The following HSD11B1 variants were observed in gnomAD, a reference collection of about 807,000 sequenced individuals.
The protein encoded by HSD11B1 is 11-beta-hydroxysteroid dehydrogenase 1.
HSD11B1 carries 15 observed loss-of-function variants against 22.1 expected under a neutral mutation model. That is an observed-to-expected ratio of 0.68 (90% CI 0.45 to 1.04). The LOEUF (loss-of-function observed/expected upper bound fraction) is 1.04, where lower values mean the gene tolerates loss of function less well. HSD11B1 is among the 50% of genes least tolerant of loss of function. The pLI is 0.00. For missense variants in HSD11B1, 281 were observed against 357.6 expected (o/e 0.79, Z 1.73); for synonymous variants, 122 against 125.2 (o/e 0.97, Z 0.17).
chr1:209,693,180 T>A (rs1392030031), intron 1 of HSD11B1, among the ~76,000 whole-genome samples: 1 of 152,204 alleles, frequency 6.6e-6, no homozygotes, highest in Non-Finnish European at 1.5e-5. Flanking sequence ...TTTTTGAGAC[T>A]GTTGCCAAAC....
At position 209,705,029 on chromosome 1, in the gene HSD11B1, A is replaced by G; in HGVS notation, c.87A>G (p.Pro29=). 1 of 1,611,704 alleles carries G rather than the reference A, an allele frequency of 6.2e-7. No individual in the cohort carries two copies. The change falls in exon 1 of 6, where the codon CCA becomes CCG. Residue 29 remains proline (P), a splice_region_variant and synonymous_variant. Transcript: ENST00000367027. ...YYYSANEEFR[P]EMLQGKKVIV... ...ATTCTGCAAACGAGGAATTCAGACCAGGTAAGTACCCATGCGTCTCATTTT... is the reference window on the plus strand; with the variant it reads ...ATTCTGCAAACGAGGAATTCAGACCGGGTAAGTACCCATGCGTCTCATTTT...
chr1:209,729,367 C>CACACAA (rs2077021976), intron 4 of HSD11B1, among the ~76,000 whole-genome samples: 1 of 147,226 alleles, frequency 6.8e-6, no homozygotes, highest in African/African-American at 2.6e-5. Flanking sequence ...TCGGAAAACA[C>CACACAA]ACACACACAC....
intron 4 of HSD11B1, among the ~76,000 whole-genome samples, chr1:209,717,182 A>C (rs1445217654): frequency 6.6e-6 from 1 of 152,222 alleles, no homozygotes; most frequent in Non-Finnish European, 1.5e-5. Context: ...CAGAATATAC[A>C]AGGTACTCAA....
At chr1:209,699,884 A>G (rs1176801990), upstream of HSD11B1, among the ~76,000 whole-genome samples, 5 of 152,350 alleles carry the variant, frequency 3.3e-5, no homozygotes, top group Non-Finnish European at 7.3e-5. Flanking sequence ...ATGCAAGTCT[A>G]AAATCCAAAG....
chr1:209,712,788 C>A, intron 4 of HSD11B1, among the ~76,000 whole-genome samples: 1 of 152,194 alleles, frequency 6.6e-6, no homozygotes, highest in East Asian at 1.9e-4. Context: ...CAGTGGTTTA[C>A]GCCTGTAATC....
intron 4 of HSD11B1, among the ~76,000 whole-genome samples, chr1:209,726,677 C>T (rs2077005022): frequency 6.6e-6 from 1 of 152,208 alleles, no homozygotes; most frequent in African/African-American, 2.4e-5. Flanking sequence ...CTGGCTCCTT[C>T]ACTACTTCTC....
upstream of HSD11B1, among the ~76,000 whole-genome samples, chr1:209,700,919 G>A (rs1029378237): frequency 6.6e-6 from 1 of 152,178 alleles, no homozygotes; most frequent in African/African-American, 2.4e-5. Context: ...TTCCCAACAA[G>A]TTCCTCATCT....
chr1:209,696,114 T>C (rs573424249), intron 1 of HSD11B1, among the ~76,000 whole-genome samples: 2 of 152,350 alleles, frequency 1.3e-5, no homozygotes, highest in South Asian at 2.1e-4. Flanking sequence ...GATTACACGT[T>C]GTGTAGTTCT....
chr1:209,710,657 T>G (rs1203255203), intron 4 of HSD11B1, among the ~76,000 whole-genome samples: 1 of 152,048 alleles, frequency 6.6e-6, no homozygotes, highest in Non-Finnish European at 1.5e-5. Context: ...GTAGGGATAG[T>G]AATCCTTCTG....
At chr1:209,711,005 G>A (rs763915329) in intron 4 of HSD11B1, among the ~76,000 whole-genome samples, 11 of 152,120 alleles carry the variant, frequency 7.2e-5, no homozygotes, top group Non-Finnish European at 1.2e-4. Flanking sequence ...TTGACTAGCC[G>A]GGGGCAAACA....
In HSD11B1 at chr1:209,706,562, T is replaced by C. The variant is rs924112364; in HGVS notation, c.220-147T>C. On this transcript the variant is annotated intron_variant, in intron 2 of 5. Coordinates refer to ENST00000367027, the MANE Select transcript of HSD11B1 (RefSeq NM_005525.4). The surrounding 1 kb of genome is among the most constrained non-coding windows in gnomAD (Gnocchi z 4.0). ...GAGGACGATGATCATGAGGGTTATATTAGGCAACACACACACAAACATACT... is the reference window on the plus strand; with the variant it reads ...GAGGACGATGATCATGAGGGTTATACTAGGCAACACACACACAAACATACT... The C allele has an allele frequency of 3.8e-5, 28 of 738,896 alleles. 1 individual carries two copies. In the African/African-American group the frequency reaches 4.6e-4, roughly 12 times the overall value. The allele number at this position is 738,896 out of a possible 1,614,324, so 45.8% of individuals were successfully genotyped here.
At chr1:209,698,915 C>T (rs1271841133) in intron 1 of HSD11B1, among the ~76,000 whole-genome samples, 2 of 152,158 alleles carry the variant, frequency 1.3e-5, no homozygotes, top group Non-Finnish European at 2.9e-5. Context: ...CAGTCCCCTA[C>T]CACAAGCTAC....
At position 209,732,543 on chromosome 1, in the gene HSD11B1, T is replaced by A; in HGVS notation, c.625T>A (p.Ser209Thr). 1.2e-6 allele frequency: 2 copies of A among 1,614,006 alleles called. No homozygotes were observed. Among genetic ancestry groups the A allele is most frequent in the Non-Finnish European group, 1.7e-6 (2 of 1,179,896 alleles). ...ATATTCAGTGTCCAGGGTCAATGTATCAATCACTCTCTGTGTTCTTGGCCT... is the reference window on the plus strand; with the variant it reads ...ATATTCAGTGTCCAGGGTCAATGTAACAATCACTCTCTGTGTTCTTGGCCT... ...KEYSVSRVNV[S>T]ITLCVLGLID... is the part of the protein sequence containing the mutation. The change falls in exon 5 of 6, where the codon TCA becomes ACA. Residue 209 changes from serine to threonine, a missense_variant. By Grantham distance (58) the Ser-to-Thr change is moderately conservative. Coordinates refer to ENST00000367027, the MANE Select transcript of HSD11B1 (RefSeq NM_005525.4).
intron 1 of HSD11B1, among the ~76,000 whole-genome samples, chr1:209,691,524 C>T (rs1250330014): frequency 3.9e-5 from 6 of 152,040 alleles, no homozygotes; most frequent in African/African-American, 9.7e-5. Context: ...TCATAGATTA[C>T]TCAATTAATT....
At chr1:209,703,833 T>G (rs1280524767), upstream of HSD11B1, among the ~76,000 whole-genome samples, 1 of 152,218 alleles carries the variant, frequency 6.6e-6, no homozygotes, top group Non-Finnish European at 1.5e-5. Flanking sequence ...TTCCATGAGT[T>G]GATTGGTTGG....
At chr1:209,705,372 CA>C (rs5780533) in intron 1 of HSD11B1, among the ~76,000 whole-genome samples, 10,764 of 82,970 alleles carry the variant, frequency 0.13, 366 homozygotes, top group African/African-American at 0.23. Flanking sequence ...AAGTGGGAGG[CA>C]AAAAAAAAAA....
chr1:209,701,431 G>C (rs530399798), upstream of HSD11B1, among the ~76,000 whole-genome samples: 16 of 152,210 alleles, frequency 1.1e-4, 1 homozygote, highest in Admixed American at 2.6e-4. Context: ...CCTCCCCCTG[G>C]GTCCCTCTCA....
chr1:209,690,542 C>T (rs187547594), intron 1 of HSD11B1, among the ~76,000 whole-genome samples: 47 of 151,932 alleles, frequency 3.1e-4, no homozygotes, highest in Non-Finnish European at 5.9e-4. Context: ...ACTAAAAATA[C>T]AAAAATTAGC....
chr1:209,695,737 G>A (rs2102358009), intron 1 of HSD11B1, among the ~76,000 whole-genome samples: 1 of 152,300 alleles, frequency 6.6e-6, no homozygotes, highest in African/African-American at 2.4e-5. Context: ...AACCTGGGAG[G>A]TGGAGGTTGT....
Sources: gnomAD v4.1 joint callset for allele counts (sites outside exome capture counted in the v4.1 genomes callset) on GRCh38, gnomAD v4.1.1 for gene constraint, Gnocchi (gnomAD v3.1) non-coding constraint, MANE v1.5 for transcripts, NCBI Gene and HGNC (gene_info 2026-07-23, HGNC 2026-07-21) for gene names.